Variants in TXNDC11 observed in about 807,000 individuals in gnomAD.
TXNDC11 encodes the protein thioredoxin domain-containing protein 11.
TXNDC11 carries 68 observed loss-of-function variants against 78.0 expected under a neutral mutation model. The observed-to-expected ratio is 0.87, with a 90% CI of 0.72 to 1.07. The LOEUF is 1.07. Ranked by LOEUF, TXNDC11 falls within the 50% of genes least tolerant of loss-of-function variation. The pLI is 0.00. For synonymous variants in TXNDC11, 571 were observed against 495.2 expected (o/e 1.15, Z -2.03); for missense variants, 1,389 against 1,221.8 (o/e 1.14, Z -2.04).
intron 4 of TXNDC11, 105 bp downstream of exon 4, chr16:11,730,540 G>C: frequency 1.7e-6 from 2 of 1,195,608 alleles, no homozygotes; most frequent in Non-Finnish European, 2.4e-6. Flanking sequence ...CCTTTTACTT[G>C]CTGCAATTCA....
At position 11,688,411 on chromosome 16, in the gene TXNDC11, A is replaced by T; in HGVS notation, c.1935T>A (p.Ser645Arg). The T allele has an allele frequency of 2.5e-6, 4 of 1,613,016 alleles. No individual in the cohort carries two copies. Among genetic ancestry groups the T allele is most frequent in the Non-Finnish European group, 3.4e-6 (4 of 1,179,538 alleles). Residue 645 changes from serine to arginine, a missense_variant, in exon 9 of 12, where the codon AGT (serine) becomes AGA (arginine). Ser to Arg is a moderately radical substitution (Grantham distance 110). Coordinates refer to ENST00000283033, the MANE Select transcript of TXNDC11 (RefSeq NM_015914.7). ...SFIQNFSVLY[S>R]PLKRHLIGSG... Reference sequence around the variant, plus strand: ...TTCCAATGAGATGCCTTTTCAAGGGACTATAGAGAACGCTGAAGTTTTGAA... The same window carrying T: ...TTCCAATGAGATGCCTTTTCAAGGGTCTATAGAGAACGCTGAAGTTTTGAA...
At chr16:11,728,757 G>A (rs2051957886) in intron 4 of TXNDC11, among the ~76,000 whole-genome samples, 2 of 152,134 alleles carry the variant, frequency 1.3e-5, no homozygotes. Flanking sequence ...CCACACTCCA[G>A]CCTGGGTGAC....
chr16:11,741,444 T>C (rs1037263486), intron 1 of TXNDC11, among the ~76,000 whole-genome samples: 4 of 152,176 alleles, frequency 2.6e-5, no homozygotes, highest in Non-Finnish European at 5.9e-5. Flanking sequence ...GTCAGGCCTT[T>C]TTATCAATTC....
chr16:11,697,308 C>G lies in TXNDC11; in HGVS notation c.1107+817G>C, dbSNP rs528611816. Among the ~76,000 whole-genome samples, 15 of 152,320 alleles carry G rather than the reference C, an allele frequency of 9.8e-5. No individual in the cohort carries two copies. In the South Asian group the frequency reaches 2.5e-3, roughly 25 times the overall value. ...GAGGCCAGGCCAGCGCTGAGGGGCT[C>G]AGGTCTGCTTAGCTGGCCAGTGGTA... is the stretch of plus-strand genomic sequence containing the variant. On this transcript the variant is annotated intron_variant, in intron 7 of 11. Transcript: ENST00000283033.
At chr16:11,727,747 A>G (rs1597485639) in intron 4 of TXNDC11, among the ~76,000 whole-genome samples, 2 of 145,318 alleles carry the variant, frequency 1.4e-5, no homozygotes, top group East Asian at 4.0e-4. Context: ...CCACCATTAT[A>G]AGCAGATAAA....
chr16:11,692,027 C>T lies in TXNDC11; in HGVS notation c.1163G>A (p.Arg388His), dbSNP rs561326612. 1.0e-4 allele frequency: 160 copies of T among 1,556,226 alleles called. No homozygotes were observed. Among genetic ancestry groups the T allele is most frequent in the Non-Finnish European group, 1.2e-4 (141 of 1,150,916 alleles). The change falls in exon 8 of 12, where the codon CGT becomes CAT. Residue 388 changes from arginine (R) to histidine (H), a missense_variant. Physicochemically the swap from Arg to His is conservative, Grantham distance 29. Transcript: ENST00000283033. ...NNCHGDQVVERLLQHLRRVDA... is the reference protein window; with the variant it reads ...NNCHGDQVVEHLLQHLRRVDA... ...CACCCGCCGCAGGTGCTGAAGGAGA[C>T]GCTCCACCACCTGGTCCCCATGACA...
intron 6 of TXNDC11, 26 bp from the exon 7 acceptor site, chr16:11,698,351 T>C: frequency 6.2e-7 from 1 of 1,606,690 alleles, no homozygotes; most frequent in Non-Finnish European, 8.5e-7. Context: ...GCACAGAGGA[T>C]AAAGGAGAGC....
intron 1 of TXNDC11, among the ~76,000 whole-genome samples, chr16:11,737,455 A>G (rs961990684): frequency 6.6e-6 from 1 of 152,060 alleles, no homozygotes; most frequent in Non-Finnish European, 1.5e-5. Context: ...AAAAAAAAAA[A>G]AAAGAAAGAA....
At chr16:11,704,833 A>T (rs771332594) in intron 5 of TXNDC11, among the ~76,000 whole-genome samples, 1 of 152,112 alleles carries the variant, frequency 6.6e-6, no homozygotes, top group Non-Finnish European at 1.5e-5. Context: ...AAAAACAGAC[A>T]CTAGTGGAAA....
intron 5 of TXNDC11, among the ~76,000 whole-genome samples, chr16:11,718,067 G>A (rs568137232): frequency 6.6e-6 from 1 of 152,226 alleles, no homozygotes; most frequent in African/African-American, 2.4e-5. Context: ...GCGTTAAGTG[G>A]GGGGTAAAGG....
At chr16:11,726,131 G>C (rs555915074) in intron 4 of TXNDC11, among the ~76,000 whole-genome samples, 171 of 152,142 alleles carry the variant, frequency 1.1e-3, no homozygotes, top group African/African-American at 4.0e-3. Flanking sequence ...CCTCCACCTT[G>C]GCCTCCCAAG....
chr16:11,730,733 T>C lies in TXNDC11; in HGVS notation c.611A>G (p.Tyr204Cys). 1.2e-6 allele frequency: 2 copies of C among 1,613,470 alleles called. No homozygotes were observed. The highest frequency in any genetic ancestry group is 1.7e-6 in the Non-Finnish European group (2 of 1,179,538). ...CACCCGGCGGACAAACTTCTCAATG[T>C]AAACAGCACTCATGGGGCCTTTGTA... Reference protein sequence around the residue: ...IEYKGPMSAVYIEKFVRRVMK... With the variant: ...IEYKGPMSAVCIEKFVRRVMK... Residue 204 changes from tyrosine to cysteine, a missense_variant, in exon 4 of 12, where the codon TAC (tyrosine) becomes TGC (cysteine). By Grantham distance (194) the Tyr-to-Cys change is radical (BLOSUM62 -2). Transcript: ENST00000283033.
chr16:11,724,704 G>A (rs2051821503), intron 4 of TXNDC11, among the ~76,000 whole-genome samples: 1 of 152,144 alleles, frequency 6.6e-6, no homozygotes. Flanking sequence ...AACATTCAAG[G>A]AAGAGGGATT....
chr16:11,715,387 C>CT, intron 5 of TXNDC11, among the ~76,000 whole-genome samples: 1 of 150,344 alleles, frequency 6.7e-6, no homozygotes, highest in East Asian at 2.0e-4. Context: ...GAGGCAGAAT[C>CT]TGATTGCTTG....
At chr16:11,738,523 A>G (rs1352381217) in intron 1 of TXNDC11, among the ~76,000 whole-genome samples, 1 of 152,240 alleles carries the variant, frequency 6.6e-6, no homozygotes, top group East Asian at 1.9e-4. Flanking sequence ...TCACTATGTG[A>G]AAAATTTAAC....
At chr16:11,728,651 T>TA (rs1359315404) in intron 4 of TXNDC11, among the ~76,000 whole-genome samples, 1 of 152,158 alleles carries the variant, frequency 6.6e-6, no homozygotes, top group Non-Finnish European at 1.5e-5. Flanking sequence ...GATAGTCTTT[T>TA]AAAGTACTGC....
At chr16:11,682,701 G>C (rs960014037) in intron 11 of TXNDC11, among the ~76,000 whole-genome samples, 30 of 152,200 alleles carry the variant, frequency 2.0e-4, no homozygotes, top group Non-Finnish European at 1.9e-4. Flanking sequence ...GAAAGTGTTA[G>C]TGTTACTGTC....
chr16:11,708,663 C>T (rs765344303), intron 5 of TXNDC11, among the ~76,000 whole-genome samples: 2 of 152,202 alleles, frequency 1.3e-5, no homozygotes, highest in Non-Finnish European at 2.9e-5. Context: ...TGCTTCAAAA[C>T]AAAATACCAC....
At chr16:11,715,462 CAAAAA>C (rs34233338) in intron 5 of TXNDC11, among the ~76,000 whole-genome samples, 11 of 135,176 alleles carry the variant, frequency 8.1e-5, no homozygotes, top group Admixed American at 1.5e-4. Flanking sequence ...CCTGTCACGG[CAAAAA>C]AAAAAAAAAA....
Sources: allele counts gnomAD v4.1 joint callset (sites outside exome capture counted in the v4.1 genomes callset), GRCh38; gene constraint gnomAD v4.1.1; transcripts MANE v1.5; gene names NCBI Gene and HGNC (gene_info 2026-07-23, HGNC 2026-07-21).